PDE4C: variants seen among roughly 807,000 people sequenced by gnomAD.
PDE4C encodes the protein phosphodiesterase 4C.
In PDE4C, 50 loss-of-function variants were observed where a neutral mutation model predicts 63.9. The observed-to-expected ratio is 0.78, with a 90% confidence interval of 0.62 to 0.99. The LOEUF is 0.99. Among genes scored for constraint, PDE4C ranks in the 50% least tolerant of loss-of-function variants. PDE4C has a pLI of 0.00. For synonymous variants in PDE4C, 377 were observed against 385.1 expected, an observed-to-expected ratio of 0.98 and a Z score of 0.25; for missense variants, 777 against 899.1, an observed-to-expected ratio of 0.86 and a Z score of 1.74.
At chr19:18,248,856 C>T (rs1313409119), upstream of PDE4C, among the ~76,000 whole-genome samples, 5 of 88,456 alleles carry the variant, frequency 5.7e-5, no homozygotes, top group Non-Finnish European at 1.2e-4. Context: ...AGCCCCATCT[C>T]TACTAAAAAT....
At chr19:18,215,639 C>T (rs984299809) in intron 12 of PDE4C, among the ~76,000 whole-genome samples, 5 of 151,698 alleles carry the variant, frequency 3.3e-5, no homozygotes, top group Non-Finnish European at 7.4e-5. Context: ...CTCAGCCTCC[C>T]GAGTAGCTGA....
At chr19:18,250,617 G>C (rs1969219690), upstream of PDE4C, 1 of 394,994 alleles carries the variant, frequency 2.5e-6, no homozygotes, top group Non-Finnish European at 4.5e-6. Context: ...TTTTAATCAT[G>C]TATTTTAGAG....
At chr19:18,248,140 T>A in intron 1 of PDE4C, 1 of 456,146 alleles carries the variant, frequency 2.2e-6, no homozygotes, top group Non-Finnish European at 4.4e-6. Flanking sequence ...ATAAGCTTGC[T>A]CCAGGAGGCC....
exon 2 of PDE4C, chr19:18,222,140 G>C: frequency 6.2e-7 from 1 of 1,609,786 alleles, no homozygotes; most frequent in South Asian, 1.1e-5. Flanking sequence ...ACAGGTCGCT[G>C]GCCACAGAGG....
chr19:18,255,170 AC>A, the PDE4C span: 4 of 384,544 alleles, frequency 1.0e-5, no homozygotes, highest in African/African-American at 8.6e-5. The surrounding 1 kb of genome is among the most constrained non-coding windows in gnomAD (Gnocchi z 4.6). Flanking sequence ...TGCGTCCCCC[AC>A]CCCCACCCTT....
At chr19:18,222,199 G>A (rs151221680) in exon 2 of PDE4C, 26 of 1,614,038 alleles carry the variant, frequency 1.6e-5, no homozygotes, top group East Asian at 1.6e-4. Flanking sequence ...CTATCTGAGC[G>A]GTACAGGAAG....
chr19:18,212,126 C>A (rs2148001936), intron 13 of PDE4C, among the ~76,000 whole-genome samples, 185 bp from the exon 14 acceptor site: 1 of 152,074 alleles, frequency 6.6e-6, no homozygotes, highest in African/African-American at 2.4e-5. Context: ...AGTTTGGCAT[C>A]CAGTCGGCAC....
At chr19:18,242,254 T>C (rs979831484) in intron 1 of PDE4C, among the ~76,000 whole-genome samples, 4 of 151,600 alleles carry the variant, frequency 2.6e-5, no homozygotes, top group African/African-American at 9.7e-5. Context: ...GGCAGGCAGA[T>C]CACCTGAGGT....
rs554528646 is a variant in PDE4C at position 18,224,545 on chromosome 19, C to T, written c.146+1725G>A. 4 of 982,598 alleles carry T rather than the reference C, an allele frequency of 4.1e-6. No individual in the cohort carries two copies. In the East Asian group the frequency reaches 3.4e-4, roughly 84 times the overall value. The allele number at this position is 982,598 out of a possible 1,614,324, so 60.9% of individuals were successfully genotyped here. On this transcript the variant is annotated intron_variant, in intron 1 of 14. Coordinates refer to ENST00000262805, the Ensembl canonical transcript of PDE4C. ...CGATGAGTTCGGGAGAATTCGGCTACGTCCGATTGAGCTCGGGAGACTTCG... is the reference window on the plus strand; with the variant it reads ...CGATGAGTTCGGGAGAATTCGGCTATGTCCGATTGAGCTCGGGAGACTTCG...
upstream of PDE4C, chr19:18,249,805 T>C: frequency 4.1e-6 from 1 of 242,396 alleles, no homozygotes; most frequent in East Asian, 7.8e-5. Flanking sequence ...ACTCCTAAGC[T>C]CAGGAGATCT....
chr19:18,215,255 T>C (rs1358377108), intron 12 of PDE4C, among the ~76,000 whole-genome samples: 1 of 152,174 alleles, frequency 6.6e-6, no homozygotes, highest in African/African-American at 2.4e-5. Context: ...CTGGCTTCAA[T>C]GTTCCCTCTC....
upstream of PDE4C, chr19:18,237,068 GA>G (rs1422017302): frequency 6.5e-6 from 1 of 152,750 alleles, no homozygotes; most frequent in Non-Finnish European, 1.5e-5. Context: ...ACCACTGGAA[GA>G]AACCAGAAAG....
intron 1 of PDE4C, among the ~76,000 whole-genome samples, chr19:18,238,685 T>C (rs549421803): frequency 9.9e-5 from 15 of 152,234 alleles, no homozygotes; most frequent in Non-Finnish European, 2.1e-4. Flanking sequence ...GATTCCAATA[T>C]ATTATTTATT....
chr19:18,224,544 A>G (rs1968643594), intron 1 of PDE4C: 6 of 983,354 alleles, frequency 6.1e-6, no homozygotes, highest in Non-Finnish European at 7.2e-6. Flanking sequence ...GAATTCGGCT[A>G]CGTCCGATTG....
upstream of PDE4C, among the ~76,000 whole-genome samples, chr19:18,237,723 A>T (rs1192043572): frequency 6.6e-6 from 1 of 151,950 alleles, no homozygotes; most frequent in African/African-American, 2.4e-5. Context: ...ATACAAAAAA[A>T]TTAGCCGGGC....
At chr19:18,213,116 A>G (rs1968033797) in intron 13 of PDE4C, among the ~76,000 whole-genome samples, 1 of 150,836 alleles carries the variant, frequency 6.6e-6, no homozygotes, top group Non-Finnish European at 1.5e-5. Context: ...CCCCGTCTCT[A>G]CTAAAAATAC....
At position 18,210,828 on chromosome 19, in the gene PDE4C, G is replaced by A. The variant is rs1017345941; in HGVS notation, c.*101C>T. ...ATTGTCTCCCTAAATGGGTGGGAAA[G>A]TGAAGCAGGAGCCACATGGAGCCTC... On this transcript the variant is annotated 3_prime_UTR_variant, in exon 15 of 15. Coordinates refer to ENST00000262805, the Ensembl canonical transcript of PDE4C. 3.3e-6 allele frequency: 5 copies of A among 1,500,030 alleles called. No individual in the cohort carries two copies. The African/African-American group carries it at 7.0e-5, about 21-fold the overall frequency. 92.9% of individuals were successfully genotyped at this position (1,500,030 alleles called of 1,614,324 possible).
chr19:18,243,383 C>T (rs527281521), intron 1 of PDE4C, among the ~76,000 whole-genome samples: 6 of 152,234 alleles, frequency 3.9e-5, no homozygotes, highest in Admixed American at 2.0e-4. Flanking sequence ...GCTAAGATTA[C>T]AGGCGTGAGC....
intron 1 of PDE4C, among the ~76,000 whole-genome samples, chr19:18,242,803 A>C (rs866374387): frequency 6.1e-5 from 9 of 148,266 alleles, no homozygotes; most frequent in African/African-American, 2.0e-4. Flanking sequence ...AAAAAAAAAA[A>C]GGGAATTGGG....
Sources: gnomAD v4.1 joint callset for allele counts (sites outside exome capture counted in the v4.1 genomes callset) on GRCh38, gnomAD v4.1.1 for gene constraint, Gnocchi (gnomAD v3.1) non-coding constraint, MANE v1.5 for transcripts, NCBI Gene and HGNC (gene_info 2026-07-23, HGNC 2026-07-21) for gene names.